The following DDX10 variants were observed in gnomAD, a reference collection of about 807,000 sequenced individuals.
DDX10 encodes the protein probable ATP-dependent RNA helicase DDX10.
A neutral mutation model predicts 104.3 loss-of-function variants in DDX10; 74 were observed. That is an observed-to-expected ratio of 0.71 (90% CI 0.59 to 0.86). The LOEUF (loss-of-function observed/expected upper bound fraction) is 0.86. DDX10 is among the 40% of genes least tolerant of loss of function. The pLI is 0.00. For synonymous variants in DDX10, 351 were observed against 353.4 expected, an observed-to-expected ratio of 0.99 and a Z score of 0.08; for missense variants, 952 against 1,040.0, an observed-to-expected ratio of 0.92 and a Z score of 1.16.
intron 3 of DDX10, among the ~76,000 whole-genome samples, chr11:108,676,062 T>A (rs1288253378): frequency 6.6e-6 from 1 of 152,192 alleles, no homozygotes; most frequent in Non-Finnish European, 1.5e-5. Context: ...TGGGAGACAG[T>A]TTCTGCTCTC....
At chr11:108,808,008 A>C (rs978448578) in intron 13 of DDX10, among the ~76,000 whole-genome samples, 1 of 152,208 alleles carries the variant, frequency 6.6e-6, no homozygotes, top group Admixed American at 6.5e-5. Flanking sequence ...GTCAGGTAAC[A>C]CAGTTTCACT....
intron 17 of DDX10, among the ~76,000 whole-genome samples, chr11:108,930,001 T>C (rs943381031): frequency 6.6e-6 from 1 of 152,236 alleles, no homozygotes; most frequent in Non-Finnish European, 1.5e-5. Context: ...CTAATATTGA[T>C]ACATTATTAT....
At chr11:108,712,578 G>A (rs1465747284) in intron 10 of DDX10, among the ~76,000 whole-genome samples, 1 of 151,664 alleles carries the variant, frequency 6.6e-6, no homozygotes, top group Admixed American at 6.6e-5. Context: ...ACGTAATTCT[G>A]ATTTCTCCCT....
chr11:108,863,910 T>C (rs979530341), intron 16 of DDX10, among the ~76,000 whole-genome samples: 3 of 151,310 alleles, frequency 2.0e-5, no homozygotes, highest in African/African-American at 7.4e-5. Flanking sequence ...TATCATTTAC[T>C]GCCAGGTTGT....
At chr11:108,770,399 A>G (rs1187819716) in intron 13 of DDX10, among the ~76,000 whole-genome samples, 2 of 148,680 alleles carry the variant, frequency 1.3e-5, no homozygotes, top group Non-Finnish European at 3.0e-5. Context: ...CTTTCTAACC[A>G]CTTTTTTTTT....
intron 15 of DDX10, among the ~76,000 whole-genome samples, chr11:108,851,264 G>A (rs1862788998): frequency 6.6e-6 from 1 of 152,096 alleles, no homozygotes; most frequent in African/African-American, 2.4e-5. Flanking sequence ...ACAAATACAT[G>A]TATCCACAAG....
intron 16 of DDX10, among the ~76,000 whole-genome samples, chr11:108,858,095 C>G (rs1391214744): frequency 1.3e-5 from 2 of 152,192 alleles, no homozygotes; most frequent in Admixed American, 6.5e-5. Context: ...CCAGGAAGAC[C>G]TGTTAAACAT....
chr11:108,762,507 A>C (rs2094351931), intron 13 of DDX10, among the ~76,000 whole-genome samples: 1 of 152,222 alleles, frequency 6.6e-6, no homozygotes, highest in South Asian at 2.1e-4. Flanking sequence ...AATAGAGACC[A>C]AAAAACCTAA....
rs543650506 is a variant in DDX10, at chr11:108,934,211, A to T, written c.2451-6035A>T. Among the ~76,000 whole-genome samples, 9 of 152,332 alleles carry T rather than the reference A, an allele frequency of 5.9e-5. No homozygotes were observed. The East Asian group carries it at 1.7e-3, about 29-fold the overall frequency. ...TAGAAAACATAGGTGGATTTGAGAG[A>T]TGATCAATTCAATTAAGGTTATAAA... On this transcript the variant is annotated intron_variant, in intron 17 of 17. Coordinates refer to ENST00000322536, the MANE Select transcript of DDX10 (RefSeq NM_004398.4).
intron 1 of DDX10, among the ~76,000 whole-genome samples, chr11:108,666,427 C>T (rs549450424): frequency 3.9e-5 from 6 of 152,252 alleles, no homozygotes; most frequent in African/African-American, 1.4e-4. Context: ...TTGCAGTGAG[C>T]CCAGATCGCA....
intron 9 of DDX10, among the ~76,000 whole-genome samples, chr11:108,698,881 C>A (rs566989664): frequency 3.3e-5 from 5 of 152,192 alleles, no homozygotes; most frequent in Non-Finnish European, 7.4e-5. Flanking sequence ...ATGTGCCAGG[C>A]GTGCTTTTGC....
rs1179889931 is a variant in DDX10, at chr11:108,745,096, T to TCCCCTC, written c.1965+21644_1965+21649dup. ...CCCCTTCCCTTCCTTTCCTTCTTCC[T>TCCCCTC]CCCCTCCCCCTCCCCTTCCCCTTCC... On this transcript the variant is annotated intron_variant, in intron 13 of 17. Coordinates refer to ENST00000322536, the MANE Select transcript of DDX10 (RefSeq NM_004398.4). Among the ~76,000 whole-genome samples, 298 of 86,136 alleles carry TCCCCTC rather than the reference T, an allele frequency of 3.5e-3. 2 individuals carry two copies. The highest frequency in any genetic ancestry group is 0.014 in the African/African-American group (277 of 19,694). 56.5% of individuals were successfully genotyped at this position (86,136 alleles called of 152,430 possible). A position where few individuals can be genotyped will look rare whatever the true frequency, so the allele number is the denominator to read the frequency against.
At chr11:108,864,507 C>T (rs1862982633) in intron 16 of DDX10, among the ~76,000 whole-genome samples, 4 of 152,108 alleles carry the variant, frequency 2.6e-5, no homozygotes, top group African/African-American at 7.2e-5. Flanking sequence ...GGGTCTTACT[C>T]TGTTGCCCAG....
intron 13 of DDX10, among the ~76,000 whole-genome samples, chr11:108,812,684 A>G (rs1862199916): frequency 6.6e-6 from 1 of 152,176 alleles, no homozygotes; most frequent in African/African-American, 2.4e-5. Flanking sequence ...TAAAAAAGCC[A>G]TAAAAAAATG....
At chr11:108,701,675 C>CTTTTTTTTTTTTTTTTTTTTTT (rs55916940) in intron 9 of DDX10, among the ~76,000 whole-genome samples, 2 of 77,392 alleles carry the variant, frequency 2.6e-5, no homozygotes, top group East Asian at 4.4e-4. Flanking sequence ...TTCTTCTTCT[C>CTTTTTTTTTTTTTTTTTTTTTT]TTTTTTTTTT....
At chr11:108,864,326 C>T (rs1220520320) in intron 16 of DDX10, among the ~76,000 whole-genome samples, 1 of 152,060 alleles carries the variant, frequency 6.6e-6, no homozygotes, top group Non-Finnish European at 1.5e-5. Context: ...AGGGGACTTA[C>T]TTACATGTGT....
intron 16 of DDX10, among the ~76,000 whole-genome samples, chr11:108,901,742 G>A (rs1049589572): frequency 2.0e-5 from 3 of 152,098 alleles, no homozygotes; most frequent in Non-Finnish European, 2.9e-5. Context: ...AGATAGGCCA[G>A]CCAGCACAAA....
chr11:108,836,609 C>G (rs1317725977), intron 13 of DDX10, among the ~76,000 whole-genome samples: 1 of 152,142 alleles, frequency 6.6e-6, no homozygotes, highest in Non-Finnish European at 1.5e-5. Context: ...GCCTCAGCCT[C>G]CTGAGTAGCT....
intron 15 of DDX10, among the ~76,000 whole-genome samples, chr11:108,845,228 A>AT (rs1443121759): frequency 6.6e-6 from 1 of 152,070 alleles, no homozygotes; most frequent in Non-Finnish European, 1.5e-5. Context: ...AAACAAACAA[A>AT]CAAACAAACA....
Sources: allele counts gnomAD v4.1 joint callset (sites outside exome capture counted in the v4.1 genomes callset), GRCh38; gene constraint gnomAD v4.1.1; transcripts MANE v1.5; gene names NCBI Gene and HGNC (gene_info 2026-07-23, HGNC 2026-07-21).